Variants in PTPN3 observed in about 807,000 individuals in gnomAD.
The protein encoded by PTPN3 is tyrosine-protein phosphatase non-receptor type 3.
In PTPN3, 96 loss-of-function variants were observed where a neutral mutation model predicts 132.7. The observed-to-expected ratio is 0.72, with a 90% CI of 0.61 to 0.86. The LOEUF is 0.86. Among genes scored for constraint, PTPN3 ranks in the 40% least tolerant of loss-of-function variants. PTPN3 has a pLI of 0.00. For synonymous variants in PTPN3, 398 were observed against 429.0 expected, an observed-to-expected ratio of 0.93 and a Z score of 0.89; for missense variants, 1,125 against 1,159.6, an observed-to-expected ratio of 0.97 and a Z score of 0.43.
At chr9:109,476,641 GT>G (rs1460384149) in intron 1 of PTPN3, among the ~76,000 whole-genome samples, 1 of 152,202 alleles carries the variant, frequency 6.6e-6, no homozygotes, top group Non-Finnish European at 1.5e-5. Flanking sequence ...TCCACTGGAG[GT>G]TTGAAGGAAT....
chr9:109,417,456 A>T, intron 14 of PTPN3: 1 of 489,718 alleles, frequency 2.0e-6, no homozygotes, highest in Non-Finnish European at 2.7e-6. Flanking sequence ...TTTGCCTCTT[A>T]ACACAAATCT....
the PTPN3 span, among the ~76,000 whole-genome samples, chr9:109,532,379 G>T: frequency 6.6e-6 from 1 of 152,050 alleles, no homozygotes. Context: ...TTTATTCTCT[G>T]TACAAAGTAA....
At chr9:109,402,286 CTTTTT>C (rs145827455) in intron 19 of PTPN3, among the ~76,000 whole-genome samples, 1 of 126,750 alleles carries the variant, frequency 7.9e-6, no homozygotes, top group African/African-American at 2.6e-5. Flanking sequence ...TCTACATTTC[CTTTTT>C]TTTTTATTTT....
At chr9:109,472,014 T>C (rs533780163) in intron 1 of PTPN3, among the ~76,000 whole-genome samples, 18 of 152,328 alleles carry the variant, frequency 1.2e-4, no homozygotes, top group South Asian at 8.3e-4. Context: ...CAGAGCTAAA[T>C]AGAGTTTCTG....
intron 19 of PTPN3, among the ~76,000 whole-genome samples, chr9:109,395,334 T>C (rs1282624402): frequency 6.6e-6 from 1 of 152,166 alleles, no homozygotes; most frequent in African/African-American, 2.4e-5. Context: ...GCACAAAATT[T>C]TTACAAAAAG....
At chr9:109,457,067 G>A (rs551690135) in intron 4 of PTPN3, 106 bp downstream of exon 4, 21 of 1,212,834 alleles carry the variant, frequency 1.7e-5, no homozygotes, top group East Asian at 4.7e-5. Flanking sequence ...CTGGACACCC[G>A]GAACTACAGG....
rs143081657 is a variant in PTPN3 at position 109,430,487 on chromosome 9, C to T, written c.765-1803G>A. On this transcript the variant is annotated intron_variant, in intron 10 of 25. Coordinates refer to ENST00000374541, the MANE Select transcript of PTPN3 (RefSeq NM_002829.4). ...ATTATGCACAGACATGAACTCTTGT[C>T]GTTTCCAGGCTTGGGGCCTCAGCGG... Among the ~76,000 whole-genome samples, 66 of 152,206 alleles carry T rather than the reference C, an allele frequency of 4.3e-4. 1 individual carries two copies. The East Asian group carries it at 9.5e-3, about 22-fold the overall frequency.
chr9:109,415,076 AACCAT>A (rs1842383143), intron 14 of PTPN3, among the ~76,000 whole-genome samples: 1 of 58,582 alleles, frequency 1.7e-5, no homozygotes, highest in African/African-American at 5.7e-5. Context: ...CCGTCCATCC[AACCAT>A]CCATCCATCC....
the PTPN3 span, among the ~76,000 whole-genome samples, chr9:109,520,256 C>T: frequency 4.9e-4 from 74 of 152,092 alleles, no homozygotes; most frequent in Middle Eastern, 3.4e-3. Flanking sequence ...ATTGCATTTT[C>T]CCCAGGGAAC....
At chr9:109,412,813 T>C (rs1289206733) in intron 14 of PTPN3, among the ~76,000 whole-genome samples, 2 of 152,116 alleles carry the variant, frequency 1.3e-5, no homozygotes, top group Non-Finnish European at 2.9e-5. Context: ...AGCCCTATTT[T>C]TCTTTTTTGA....
At position 109,483,620 on chromosome 9, in the gene PTPN3, T is replaced by G. The variant is rs376843348; in HGVS notation, c.-18+14599A>C. Among the ~76,000 whole-genome samples, 213 of 152,218 alleles carry G rather than the reference T, an allele frequency of 1.4e-3. 1 individual carries two copies. The highest frequency in any genetic ancestry group is 4.8e-3 in the African/African-American group (201 of 41,514). ...AGGATATAACTGTGAAGCCAGACTG[T>G]GAGGGATGAGATATCAAGCAACAAA... On this transcript the variant is annotated intron_variant, in intron 1 of 25. Coordinates refer to ENST00000374541, the MANE Select transcript of PTPN3 (RefSeq NM_002829.4).
At chr9:109,463,171 C>A in intron 2 of PTPN3, 126 bp downstream of exon 2, 1 of 1,044,474 alleles carries the variant, frequency 9.6e-7, no homozygotes, top group Non-Finnish European at 1.3e-6. Flanking sequence ...TCTCAACATA[C>A]AAGATCTGAG....
intron 1 of PTPN3, among the ~76,000 whole-genome samples, chr9:109,490,513 G>A (rs895092530): frequency 1.1e-4 from 17 of 151,994 alleles, no homozygotes; most frequent in Non-Finnish European, 2.1e-4. Flanking sequence ...CGAGGTGGGC[G>A]GATCACCTGA....
the PTPN3 span, among the ~76,000 whole-genome samples, chr9:109,503,340 A>G: frequency 1.3e-5 from 2 of 152,158 alleles, no homozygotes; most frequent in Admixed American, 6.5e-5. Flanking sequence ...CTGTGTTCTA[A>G]GGCTCCTGGA....
the PTPN3 span, among the ~76,000 whole-genome samples, chr9:109,510,507 G>A: frequency 5.5e-5 from 8 of 146,032 alleles, no homozygotes; most frequent in African/African-American, 1.3e-4. Flanking sequence ...GCATTGAGCC[G>A]AGATTGCGCC....
At chr9:109,479,013 T>G (rs55824262) in intron 1 of PTPN3, among the ~76,000 whole-genome samples, 3 of 151,652 alleles carry the variant, frequency 2.0e-5, no homozygotes, top group Non-Finnish European at 4.4e-5. Context: ...ACAAGCGTTT[T>G]TTTTTTTTTT....
rs35189837 is a variant in PTPN3 at position 109,470,531 on chromosome 9, CAA to C, written c.-17-7082_-17-7081del. 7.6e-4 allele frequency among the ~76,000 whole-genome samples: 105 copies of C among 138,020 alleles called. 1 individual carries two copies. Among genetic ancestry groups the C allele is most frequent in the African/African-American group, 2.3e-3 (86 of 38,008 alleles). The allele number at this position is 138,020 out of a possible 152,430, so 90.5% of individuals were successfully genotyped here. ...TTTACTAGTGAGACCATCATATCTA[CAA>C]AAAAAAAAAAAAATTAGCTGCATGT... On this transcript the variant is annotated intron_variant, in intron 1 of 25. Coordinates refer to ENST00000374541, the MANE Select transcript of PTPN3 (RefSeq NM_002829.4).
In PTPN3 at chr9:109,422,706, A is replaced by AG; in HGVS notation, c.1136+11dup. 6.4e-7 allele frequency: 1 copy of AG among 1,573,464 alleles called. No individual in the cohort carries two copies. On this transcript the variant is annotated intron_variant, in intron 13 of 25. Transcript: ENST00000374541. Reference sequence around the variant, plus strand: ...GTTGGGTAGTACAAAAAAAAAAAAAAGGAGGACATACCAGTTGGGAGTAAT... The same window carrying AG: ...GTTGGGTAGTACAAAAAAAAAAAAAAGGGAGGACATACCAGTTGGGAGTAAT...
At position 109,381,711 on chromosome 9, in the gene PTPN3, A is replaced by T; in HGVS notation, c.2605T>A (p.Tyr869Asn). 6.2e-7 allele frequency: 1 copy of T among 1,614,192 alleles called. No individual in the cohort carries two copies. The highest frequency in any genetic ancestry group is 8.5e-7 in the Non-Finnish European group (1 of 1,179,968). ...ATTTTTCGGACAATATCCAGTGGGT[A>T]AATGGGCAGGTTCCTCTCAGTTAGG... is the stretch of plus-strand genomic sequence containing the variant. ...MCLTERNLPI[Y>N]PLDIVRKMRD... The change falls in exon 25 of 26, where the codon TAC (tyrosine) becomes AAC (asparagine). Residue 869 changes from tyrosine (Y) to asparagine (N), a missense_variant. Coordinates refer to ENST00000374541, the MANE Select transcript of PTPN3 (RefSeq NM_002829.4).
Sources: allele counts gnomAD v4.1 joint callset (sites outside exome capture counted in the v4.1 genomes callset), GRCh38; gene constraint gnomAD v4.1.1; transcripts MANE v1.5; gene names NCBI Gene and HGNC (gene_info 2026-07-23, HGNC 2026-07-21).